SFRP1: variants seen among roughly 807,000 people sequenced by gnomAD.
SFRP1 encodes secreted frizzled related protein 1, also known as secreted frizzled-related protein 1.
A neutral mutation model predicts 25.9 loss-of-function variants in SFRP1; 9 were observed. The ratio of observed to expected loss-of-function variants is 0.35; its 90% CI spans 0.21 to 0.61. The LOEUF (loss-of-function observed/expected upper bound fraction) is 0.61, where lower values mean the gene tolerates loss of function less well. Among genes scored for constraint, SFRP1 ranks in the 20% least tolerant of loss-of-function variants. SFRP1 has a pLI of 0.78. For missense variants in SFRP1, 346 were observed against 418.2 expected (o/e 0.83, Z 1.51); for synonymous variants, 178 against 174.0 (o/e 1.02, Z -0.18).
At chr8:41,267,529 A>G (rs1251866874) in intron 2 of SFRP1, among the ~76,000 whole-genome samples, 8 of 152,194 alleles carry the variant, frequency 5.3e-5, no homozygotes, top group Non-Finnish European at 2.9e-5. Context: ...CCTCTTTTTA[A>G]TGATGCAAGG....
At chr8:41,305,099 TGGAAA>T (rs1042038864) in intron 1 of SFRP1, among the ~76,000 whole-genome samples, 1 of 152,210 alleles carries the variant, frequency 6.6e-6, no homozygotes, top group Non-Finnish European at 1.5e-5. Context: ...TGTGACAATA[TGGAAA>T]GGACCAGGTT....
intron 2 of SFRP1, among the ~76,000 whole-genome samples, chr8:41,281,386 G>T (rs1476435842): frequency 1.3e-5 from 2 of 152,244 alleles, no homozygotes; most frequent in Non-Finnish European, 2.9e-5. Flanking sequence ...AGCATGGGGG[G>T]ATTGATGTTG....
chr8:41,274,346 T>C (rs986046095), intron 2 of SFRP1, among the ~76,000 whole-genome samples: 4 of 152,134 alleles, frequency 2.6e-5, no homozygotes, highest in East Asian at 1.9e-4. Context: ...ATTCATAATA[T>C]GAACATAAGT....
At chr8:41,300,874 C>T (rs541012485) in intron 2 of SFRP1, among the ~76,000 whole-genome samples, 4 of 152,324 alleles carry the variant, frequency 2.6e-5, no homozygotes, top group African/African-American at 9.6e-5. Context: ...ACATCTGGTG[C>T]TTGATCCAGG....
rs2117474130 is a variant in SFRP1, at chr8:41,264,336, C to G, written c.*831G>C. 1 of 152,284 alleles carries G rather than the reference C, an allele frequency of 6.6e-6. No individual in the cohort carries two copies. The highest frequency in any genetic ancestry group is 3.4e-3 in the Middle Eastern group (1 of 294). 9.4% of individuals were successfully genotyped at this position (152,284 alleles called of 1,614,324 possible). ...TTTTTTTCATTTGTTTCTTTTTTAA[C>G]TATGTGTTTTGAAAACTACTGCCTT... On this transcript the variant is annotated 3_prime_UTR_variant, in exon 3 of 3. Coordinates refer to ENST00000220772, the MANE Select transcript of SFRP1 (RefSeq NM_003012.5).
chr8:41,304,038 T>C (rs1322539474), intron 1 of SFRP1, among the ~76,000 whole-genome samples: 1 of 151,634 alleles, frequency 6.6e-6, no homozygotes, highest in African/African-American at 2.4e-5. Context: ...ACTCACAAAC[T>C]CCAGCTCTCG....
At chr8:41,271,682 T>C (rs1275108998) in intron 2 of SFRP1, 2 of 151,942 alleles carry the variant, frequency 1.3e-5, no homozygotes, top group Admixed American at 6.6e-5. Flanking sequence ...AATGATAATA[T>C]GGCCAGGAGT....
chr8:41,276,086 G>A (rs1282090213), intron 2 of SFRP1, among the ~76,000 whole-genome samples: 3 of 152,142 alleles, frequency 2.0e-5, no homozygotes, highest in Non-Finnish European at 4.4e-5. Context: ...GGTTGATCAG[G>A]AAAGGCCCAC....
Position 41,302,243 on chromosome 8 carries a change from C to T in SFRP1, c.622+1218G>A, listed in dbSNP as rs563164148. Reference sequence around the variant, plus strand: ...TCCCCATGCATGGAAACAGGATACGCGCTCTCCAGTTTAGCTCTGGTGGCC... The same window carrying T: ...TCCCCATGCATGGAAACAGGATACGTGCTCTCCAGTTTAGCTCTGGTGGCC... On this transcript the variant is annotated intron_variant, in intron 2 of 2. Coordinates refer to ENST00000220772, the MANE Select transcript of SFRP1 (RefSeq NM_003012.5). 4.6e-4 allele frequency among the ~76,000 whole-genome samples: 70 copies of T among 152,284 alleles called. 1 individual carries two copies. Among genetic ancestry groups the T allele is most frequent in the South Asian group, 1.0e-3 (5 of 4,826 alleles).
intron 2 of SFRP1, among the ~76,000 whole-genome samples, chr8:41,300,682 T>A (rs1172384832): frequency 2.0e-5 from 3 of 152,186 alleles, no homozygotes; most frequent in African/African-American, 7.2e-5. Flanking sequence ...GGATGATTAG[T>A]GTGGCGGCTC....
intron 2 of SFRP1, among the ~76,000 whole-genome samples, chr8:41,300,699 A>T (rs898902654): frequency 6.6e-6 from 1 of 152,140 alleles, no homozygotes; most frequent in Admixed American, 6.5e-5. Context: ...GCTCGCAAAT[A>T]CTATATTGGG....
intron 2 of SFRP1, among the ~76,000 whole-genome samples, chr8:41,299,587 G>GGTCAGGAGTTCAAGACCAGCCT (rs1242257375): frequency 7.6e-6 from 1 of 130,906 alleles, no homozygotes; most frequent in African/African-American, 3.0e-5. Context: ...GATCGCTTGA[G>GGTCAGGAGTTCAAGACCAGCCT]CCCGGGGGGC....
intron 2 of SFRP1, among the ~76,000 whole-genome samples, chr8:41,273,024 C>T (rs1803530292): frequency 6.6e-6 from 1 of 152,194 alleles, no homozygotes; most frequent in Non-Finnish European, 1.5e-5. Context: ...GAATCAATGC[C>T]TTTAAAATTG....
chr8:41,274,701 A>C (rs1158159422), intron 2 of SFRP1, among the ~76,000 whole-genome samples: 1 of 152,232 alleles, frequency 6.6e-6, no homozygotes, highest in Non-Finnish European at 1.5e-5. Context: ...GGTCATAGGA[A>C]CTAGAGGTGG....
chr8:41,299,500 A>T (rs140761742), intron 2 of SFRP1, among the ~76,000 whole-genome samples: 19 of 20,610 alleles, frequency 9.2e-4, no homozygotes, highest in Non-Finnish European at 1.2e-3. Context: ...TCTCCTTTAT[A>T]AAAAAAAAAA....
intron 2 of SFRP1, 43 bp from the exon 3 acceptor site, chr8:41,265,532 A>G (rs1392055986): frequency 2.1e-6 from 3 of 1,444,540 alleles, no homozygotes; most frequent in Admixed American, 4.6e-5. Flanking sequence ...AGGGTAAGAG[A>G]AAGCATTTAG....
At chr8:41,307,635 G>A (rs148592256) in intron 1 of SFRP1, among the ~76,000 whole-genome samples, 9 of 152,172 alleles carry the variant, frequency 5.9e-5, no homozygotes, top group Admixed American at 6.5e-5. Flanking sequence ...CGCTTCTAAA[G>A]AATTCTGGGT....
intron 2 of SFRP1, among the ~76,000 whole-genome samples, chr8:41,272,218 CAA>C (rs1359746738): frequency 2.6e-5 from 4 of 152,072 alleles, no homozygotes; most frequent in Admixed American, 2.0e-4. Context: ...CAATATTAAC[CAA>C]AAGTGTGATG....
At chr8:41,280,377 T>C (rs1228365006) in intron 2 of SFRP1, among the ~76,000 whole-genome samples, 2 of 152,162 alleles carry the variant, frequency 1.3e-5, no homozygotes, top group Non-Finnish European at 2.9e-5. Context: ...CAGCACCCGG[T>C]CCTATGTCAA....
Sources: allele counts gnomAD v4.1 joint callset (sites outside exome capture counted in the v4.1 genomes callset), GRCh38; gene constraint gnomAD v4.1.1; transcripts MANE v1.5; gene names NCBI Gene and HGNC (gene_info 2026-07-23, HGNC 2026-07-21).